Variants in DGKB observed in about 807,000 individuals in gnomAD.
The protein encoded by DGKB is 90 kDa diacylglycerol kinase.
In DGKB, 67 loss-of-function variants were observed where a neutral mutation model predicts 114.3. The ratio of observed to expected loss-of-function variants is 0.59; its 90% CI spans 0.48 to 0.72. The LOEUF (loss-of-function observed/expected upper bound fraction) is 0.72. DGKB is among the 30% of genes least tolerant of loss of function. DGKB has a pLI of 0.00. For missense variants in DGKB, 907 were observed against 975.2 expected, an observed-to-expected ratio of 0.93 and a Z score of 0.93; for synonymous variants, 398 against 323.1, an observed-to-expected ratio of 1.23 and a Z score of -2.49.
chr7:14,294,769 C>A, intron 23 of DGKB, among the ~76,000 whole-genome samples: 1 of 152,034 alleles, frequency 6.6e-6, no homozygotes, highest in East Asian at 1.9e-4. Context: ...TATGGGATGG[C>A]CCTGGGGATA....
intron 25 of DGKB, among the ~76,000 whole-genome samples, chr7:14,160,019 A>G (rs530704858): frequency 3.3e-5 from 5 of 152,262 alleles, no homozygotes; most frequent in African/African-American, 1.2e-4. Context: ...GTTGTAAATT[A>G]TATTTATGGA....
At chr7:14,624,608 C>A (rs1182189495) in intron 14 of DGKB, among the ~76,000 whole-genome samples, 1 of 152,122 alleles carries the variant, frequency 6.6e-6, no homozygotes, top group African/African-American at 2.4e-5. Context: ...GCAGAGATAG[C>A]AGTTGATTAA....
chr7:14,846,456 G>A (rs768302367), intron 1 of DGKB, among the ~76,000 whole-genome samples: 5 of 152,284 alleles, frequency 3.3e-5, no homozygotes, highest in South Asian at 2.1e-4. Flanking sequence ...AATGTTTCAC[G>A]TGTAATTTCA....
At chr7:14,301,958 A>G (rs1470710818) in intron 23 of DGKB, among the ~76,000 whole-genome samples, 1 of 152,068 alleles carries the variant, frequency 6.6e-6, no homozygotes, top group African/African-American at 2.4e-5. Flanking sequence ...TGCTTTAGCA[A>G]TAAAAGAAAA....
At chr7:14,916,059 G>A (rs1344360235) in intron 1 of DGKB, among the ~76,000 whole-genome samples, 19 of 151,976 alleles carry the variant, frequency 1.3e-4, no homozygotes, top group Non-Finnish European at 4.4e-5. Flanking sequence ...TGGAATAAAA[G>A]CGAAAAAGAA....
chr7:14,399,194 T>G (rs1156357466), intron 21 of DGKB, among the ~76,000 whole-genome samples: 1 of 151,558 alleles, frequency 6.6e-6, no homozygotes, highest in East Asian at 1.9e-4. Flanking sequence ...AAAAGTGGTC[T>G]AAAGCTATTG....
intron 1 of DGKB, among the ~76,000 whole-genome samples, chr7:14,939,488 T>A (rs921666224): frequency 6.6e-6 from 1 of 152,126 alleles, no homozygotes; most frequent in Non-Finnish European, 1.5e-5. Flanking sequence ...CTCTTGGAAA[T>A]TGAGCACTCT....
At chr7:14,744,573 C>A (rs1379666389) in intron 4 of DGKB, among the ~76,000 whole-genome samples, 9 of 152,182 alleles carry the variant, frequency 5.9e-5, no homozygotes, top group Non-Finnish European at 1.3e-4. Flanking sequence ...CATGGCTGGG[C>A]TGGGCTTTCC....
chr7:14,563,694 T>C (rs1446529177), intron 20 of DGKB, among the ~76,000 whole-genome samples: 1 of 151,748 alleles, frequency 6.6e-6, no homozygotes, highest in Non-Finnish European at 1.5e-5. Context: ...GGTCCACTGT[T>C]GGGAATATCC....
intron 1 of DGKB, among the ~76,000 whole-genome samples, chr7:14,920,042 C>G (rs751482335): frequency 6.6e-6 from 1 of 152,120 alleles, no homozygotes. Flanking sequence ...ACAAAACAAA[C>G]TAATGAATAC....
intron 23 of DGKB, among the ~76,000 whole-genome samples, chr7:14,296,745 G>A (rs1802633236): frequency 7.3e-6 from 1 of 136,844 alleles, no homozygotes; most frequent in South Asian, 2.4e-4. Flanking sequence ...AAAAAAATCA[G>A]TGAATCCAGG....
intron 21 of DGKB, among the ~76,000 whole-genome samples, chr7:14,394,032 A>T (rs1821854501): frequency 6.6e-6 from 1 of 152,156 alleles, no homozygotes; most frequent in Non-Finnish European, 1.5e-5. Flanking sequence ...TTTTTATCTT[A>T]AATAGCACAA....
At chr7:14,515,569 C>T (rs1236609211) in intron 20 of DGKB, among the ~76,000 whole-genome samples, 2 of 152,142 alleles carry the variant, frequency 1.3e-5, no homozygotes, top group Admixed American at 6.6e-5. Flanking sequence ...GAGATTTAGG[C>T]ACCTCATCCA....
chr7:14,489,989 AGT>A (rs1784384432), intron 20 of DGKB, among the ~76,000 whole-genome samples: 1 of 152,146 alleles, frequency 6.6e-6, no homozygotes, highest in Non-Finnish European at 1.5e-5. Context: ...TCACGGCAAA[AGT>A]CTGAAAGTAA....
intron 1 of DGKB, among the ~76,000 whole-genome samples, chr7:14,848,772 T>A (rs1117749): frequency 0.1 from 15,912 of 152,080 alleles, 1,538 homozygotes; most frequent in East Asian, 0.3. Flanking sequence ...AGGACCATGA[T>A]ATTTCTGTAC....
intron 23 of DGKB, among the ~76,000 whole-genome samples, chr7:14,221,705 T>G (rs1211018228): frequency 2.6e-5 from 4 of 151,436 alleles, no homozygotes; most frequent in Non-Finnish European, 4.4e-5. Flanking sequence ...GTATTTCTCC[T>G]CATTTTTTGG....
chr7:14,232,334 C>T, intron 23 of DGKB, among the ~76,000 whole-genome samples: 1 of 150,098 alleles, frequency 6.7e-6, no homozygotes, highest in East Asian at 2.0e-4. Flanking sequence ...GGCTGCCCTG[C>T]TCGAAATTCC....
chr7:14,495,684 A>G (rs920624872), intron 20 of DGKB, among the ~76,000 whole-genome samples: 3 of 151,910 alleles, frequency 2.0e-5, no homozygotes, highest in African/African-American at 7.2e-5. Flanking sequence ...GTTAGGGCAT[A>G]TCTTGATTAA....
intron 1 of DGKB, among the ~76,000 whole-genome samples, chr7:14,944,166 C>T (rs1305134329): frequency 6.6e-6 from 1 of 151,860 alleles, no homozygotes; most frequent in Non-Finnish European, 1.5e-5. Flanking sequence ...CATAATTCTA[C>T]CTGCTAGTGG....
Sources: gnomAD v4.1 joint callset for allele counts (sites outside exome capture counted in the v4.1 genomes callset) on GRCh38, gnomAD v4.1.1 for gene constraint, MANE v1.5 for transcripts, NCBI Gene and HGNC (gene_info 2026-07-23, HGNC 2026-07-21) for gene names.